Variants in PIWIL1 observed in about 807,000 individuals in gnomAD.
PIWIL1 encodes the protein piwi-like protein 1.
A neutral mutation model predicts 114.4 loss-of-function variants in PIWIL1; 73 were observed. The observed-to-expected ratio is 0.64, with a 90% CI of 0.53 to 0.78. The LOEUF is 0.78. PIWIL1 is among the 30% of genes least tolerant of loss of function. PIWIL1 has a pLI of 0.00. For missense variants in PIWIL1, 723 were observed against 1,063.1 expected (o/e 0.68, Z 4.45); for synonymous variants, 375 against 369.0 (o/e 1.02, Z -0.19).
intron 18 of PIWIL1, among the ~76,000 whole-genome samples, chr12:130,366,034 A>G (rs544129863): frequency 6.6e-6 from 1 of 152,370 alleles, no homozygotes; most frequent in South Asian, 2.1e-4. Context: ...AGTGAAAAAC[A>G]TCAGCAACAT....
Position 130,342,386 on chromosome 12 carries a change from A to T in PIWIL1, c.-12-194A>T, listed in dbSNP as rs914717208. The T allele has an allele frequency of 5.0e-6, 3 of 597,698 alleles. No individual in the cohort carries two copies. In the Admixed American group the frequency reaches 8.9e-5, roughly 18 times the overall value. The allele number at this position is 597,698 out of a possible 1,614,324, so 37.0% of individuals were successfully genotyped here. On this transcript the variant is annotated intron_variant, in intron 1 of 20. Transcript: ENST00000245255. ...TTGGCCCTACTGCAGTGCCCAGTGCAAGGTAAGCAACTGAGTTTGTTGAAT... is the reference window on the plus strand; with the variant it reads ...TTGGCCCTACTGCAGTGCCCAGTGCTAGGTAAGCAACTGAGTTTGTTGAAT...
At chr12:130,359,493 G>T (rs1387211989) in intron 14 of PIWIL1, among the ~76,000 whole-genome samples, 1 of 152,138 alleles carries the variant, frequency 6.6e-6, no homozygotes, top group African/African-American at 2.4e-5. Context: ...TGAGCCCCTG[G>T]GTGTTGGGGA....
At chr12:130,380,362 A>C in the PIWIL1 span, among the ~76,000 whole-genome samples, 1 of 151,780 alleles carries the variant, frequency 6.6e-6, no homozygotes, top group African/African-American at 2.4e-5. Context: ...TTACTTTTGT[A>C]TTTTTACTAC....
intron 1 of PIWIL1, among the ~76,000 whole-genome samples, chr12:130,338,935 G>C (rs2072810203): frequency 2.0e-5 from 3 of 147,318 alleles, no homozygotes; most frequent in Admixed American, 1.3e-4. Context: ...CTGAGTTGCC[G>C]GGGGTGCGGG....
chr12:130,418,396 C>T, the PIWIL1 span, among the ~76,000 whole-genome samples: 1 of 152,198 alleles, frequency 6.6e-6, no homozygotes, highest in Non-Finnish European at 1.5e-5. Flanking sequence ...ATGGCCTCTA[C>T]AACAGGCACA....
At chr12:130,358,160 C>T (rs1825564184) in intron 14 of PIWIL1, among the ~76,000 whole-genome samples, 1 of 152,154 alleles carries the variant, frequency 6.6e-6, no homozygotes, top group Admixed American at 6.5e-5. Context: ...AGGACTGAGT[C>T]CCGAAGAGCC....
chr12:130,424,766 G>T, the PIWIL1 span: 18 of 1,232,546 alleles, frequency 1.5e-5, no homozygotes, highest in South Asian at 4.1e-5. This position sits in a 1 kb window ranked among gnomAD's most constrained non-coding sequence, Gnocchi z 9.8. Context: ...CCGCTACTTC[G>T]GGGATACTGA....
chr12:130,354,694 A>T (rs2073316045), intron 10 of PIWIL1, 31 bp downstream of exon 10: 11 of 1,547,434 alleles, frequency 7.1e-6, no homozygotes, highest in Non-Finnish European at 8.7e-6. Context: ...CTCGGAAGGA[A>T]GCCACTGGAT....
the PIWIL1 span, chr12:130,396,693 A>T: frequency 6.5e-6 from 1 of 152,682 alleles, no homozygotes; most frequent in African/African-American, 2.4e-5. Flanking sequence ...TTTACCAAAC[A>T]AAGTTACTTT....
At chr12:130,366,386 G>C (rs1305533708) in intron 18 of PIWIL1, 1 of 152,556 alleles carries the variant, frequency 6.6e-6, no homozygotes, top group Non-Finnish European at 1.5e-5. Flanking sequence ...AGGGAGGGCA[G>C]AAGGGCCAGG....
the PIWIL1 span, among the ~76,000 whole-genome samples, chr12:130,378,500 T>C: frequency 6.6e-6 from 1 of 152,202 alleles, no homozygotes; most frequent in African/African-American, 2.4e-5. Context: ...GAGGAATTGC[T>C]GGATTTATAT....
chr12:130,419,757 C>T, the PIWIL1 span: 6 of 152,294 alleles, frequency 3.9e-5, 1 homozygote, highest in East Asian at 1.9e-4. The surrounding 1 kb of genome is among the most constrained non-coding windows in gnomAD (Gnocchi z 4.3). Flanking sequence ...TCCTCTTGAA[C>T]GTGGTGCTTC....
Position 130,361,166 on chromosome 12 carries a change from C to T in PIWIL1, c.1666-14C>T. On this transcript the variant is annotated splice_polypyrimidine_tract_variant and intron_variant, in intron 14 of 20. Coordinates refer to ENST00000245255, the MANE Select transcript of PIWIL1 (RefSeq NM_004764.5). ...GTCTCCTAATTCTTTGTAACAAGGG[C>T]ACTTTGTTTTCAGGTTGTCTGTCTG... 6.2e-7 allele frequency: 1 copy of T among 1,613,228 alleles called. No individual in the cohort carries two copies. Among genetic ancestry groups the T allele is most frequent in the Non-Finnish European group, 8.5e-7 (1 of 1,179,382 alleles).
the PIWIL1 span, chr12:130,399,578 G>A: frequency 2.9e-5 from 40 of 1,384,796 alleles, no homozygotes; most frequent in African/African-American, 1.6e-4. Flanking sequence ...GTGTATTTAC[G>A]CTTTTCGGCC....
the PIWIL1 span, chr12:130,424,979 A>T: frequency 2.4e-5 from 12 of 498,044 alleles, no homozygotes; most frequent in Non-Finnish European, 3.1e-5. The surrounding 1 kb of genome is among the most constrained non-coding windows in gnomAD (Gnocchi z 9.8). Context: ...AGGGGGGGGA[A>T]GCATGCGTCT....
At chr12:130,356,445 C>T (rs922881649) in intron 12 of PIWIL1, among the ~76,000 whole-genome samples, 1 of 152,110 alleles carries the variant, frequency 6.6e-6, no homozygotes, top group Non-Finnish European at 1.5e-5. Flanking sequence ...CACCGGGCTG[C>T]TCCCTGTGAT....
the PIWIL1 span, among the ~76,000 whole-genome samples, chr12:130,423,672 A>G: frequency 6.7e-6 from 1 of 148,394 alleles, no homozygotes; most frequent in African/African-American, 2.5e-5. Flanking sequence ...AAAAAAAAAA[A>G]AAAATAGATT....
At chr12:130,419,042 G>T in the PIWIL1 span, among the ~76,000 whole-genome samples, 1 of 152,210 alleles carries the variant, frequency 6.6e-6, no homozygotes, top group Non-Finnish European at 1.5e-5. This position sits in a 1 kb window ranked among gnomAD's most constrained non-coding sequence, Gnocchi z 4.3. Flanking sequence ...AGCGTATGCG[G>T]TGACTCCACC....
rs749494732 is a variant in PIWIL1, at chr12:130,363,120, T to C, written c.2171T>C (p.Leu724Pro). ...NYEVPQFLDCLKSIGRGYNPR... is the reference protein window; with the variant it reads ...NYEVPQFLDCPKSIGRGYNPR... ...GAAGTGCCACAGTTTTTGGATTGTCTAAAATCCATTGGTAGAGGTTACAAG... is the reference window on the plus strand; with the variant it reads ...GAAGTGCCACAGTTTTTGGATTGTCCAAAATCCATTGGTAGAGGTTACAAG... The change falls in exon 18 of 21, where the codon CTA (leucine) becomes CCA (proline). Residue 724 changes from leucine (L) to proline (P), a missense_variant. This residue lies in a region of PIWIL1 where 106 missense variants were observed against 182.8 expected (regional missense o/e 0.58). Coordinates refer to ENST00000245255, the MANE Select transcript of PIWIL1 (RefSeq NM_004764.5). The C allele has an allele frequency of 6.2e-7, 1 of 1,614,104 alleles. No individual in the cohort carries two copies. The highest frequency in any genetic ancestry group is 8.5e-7 in the Non-Finnish European group (1 of 1,180,030).
Sources: gnomAD v4.1 joint callset for allele counts (sites outside exome capture counted in the v4.1 genomes callset) on GRCh38, gnomAD v4.1.1 for gene constraint, gnomAD v4.1.1 regional missense constraint, Gnocchi (gnomAD v3.1) non-coding constraint, MANE v1.5 for transcripts, NCBI Gene and HGNC (gene_info 2026-07-23, HGNC 2026-07-21) for gene names.